GALNTL6: variants seen among roughly 807,000 people sequenced by gnomAD.
GALNTL6 encodes polypeptide N-acetylgalactosaminyltransferase like 6, also known as polypeptide N-acetylgalactosaminyltransferase-like 6.
A neutral mutation model predicts 73.7 loss-of-function variants in GALNTL6; 46 were observed. The observed-to-expected ratio is 0.62, with a 90% CI of 0.49 to 0.80. GALNTL6 has a LOEUF of 0.80. Among genes scored for constraint, GALNTL6 ranks in the 30% least tolerant of loss-of-function variants. The pLI is 0.00. For missense variants in GALNTL6, 604 were observed against 755.0 expected (o/e 0.80, Z 2.34); for synonymous variants, 259 against 263.7 (o/e 0.98, Z 0.17).
intron 10 of GALNTL6, among the ~76,000 whole-genome samples, chr4:172,988,627 T>C (rs902673533): frequency 6.6e-5 from 10 of 152,368 alleles, no homozygotes; most frequent in Admixed American, 5.2e-4. Flanking sequence ...GAGACCTTCA[T>C]GGCAGCCTCT....
intron 5 of GALNTL6, among the ~76,000 whole-genome samples, chr4:172,354,596 A>C (rs538797999): frequency 1.6e-4 from 25 of 152,164 alleles, no homozygotes; most frequent in African/African-American, 5.8e-4. Context: ...TGTCAGGAAA[A>C]TTATCCTACA....
At chr4:172,702,791 G>C (rs975546270) in intron 5 of GALNTL6, among the ~76,000 whole-genome samples, 8 of 151,656 alleles carry the variant, frequency 5.3e-5, no homozygotes, top group African/African-American at 1.9e-4. Context: ...ATAGCAGCAG[G>C]AATGAACTAA....
Position 172,443,121 on chromosome 4 carries a change from CATATATATATATAT to C in GALNTL6, c.553+94461_553+94474del, listed in dbSNP as rs4048464. ...GAAATCACCAGTAATGATCCATATA[CATATATATATATAT>C]ATATATATATATATATATATATATA... On this transcript the variant is annotated intron_variant, in intron 5 of 12. Coordinates refer to ENST00000506823, the MANE Select transcript of GALNTL6 (RefSeq NM_001034845.3). Among the ~76,000 whole-genome samples the C allele has an allele frequency of 2.0e-3, 106 of 52,012 alleles. No individual in the cohort carries two copies. The East Asian group carries it at 0.022, about 11-fold the overall frequency. The allele number at this position is 52,012 out of a possible 152,430, so 34.1% of individuals were successfully genotyped here. A position where few individuals can be genotyped will look rare whatever the true frequency, so the allele number is the denominator to read the frequency against.
intron 2 of GALNTL6, among the ~76,000 whole-genome samples, chr4:171,957,084 C>A (rs11935809): frequency 1.8e-4 from 28 of 152,250 alleles, no homozygotes; most frequent in Admixed American, 1.7e-3. Context: ...TGTAGTGTAC[C>A]TAAATCCTGC....
intron 8 of GALNTL6, among the ~76,000 whole-genome samples, chr4:172,895,727 G>A (rs1387929661): frequency 6.6e-6 from 1 of 152,064 alleles, no homozygotes; most frequent in African/African-American, 2.4e-5. Flanking sequence ...GTCCATGTCA[G>A]TTCCCTCTTT....
intron 5 of GALNTL6, among the ~76,000 whole-genome samples, chr4:172,390,332 ACC>A (rs771652919): frequency 0.011 from 1,727 of 152,342 alleles, 11 homozygotes; most frequent in Middle Eastern, 0.024. Flanking sequence ...CAGAACAAAA[ACC>A]ATGTTACAGT....
chr4:172,331,629 G>GTA lies in GALNTL6; in HGVS notation c.387-16892_387-16891dup, dbSNP rs1428186677. 4.6e-5 allele frequency among the ~76,000 whole-genome samples: 7 copies of GTA among 152,228 alleles called. No homozygotes were observed. The South Asian group carries it at 1.5e-3, about 32-fold the overall frequency. On this transcript the variant is annotated intron_variant, in intron 4 of 12. Transcript: ENST00000506823. ...TACCTCATTTAAGATAAATCATGCA[G>GTA]TATTTATTTTTCTGAGACTGGCTTA...
At chr4:171,965,817 T>A (rs1284790885) in intron 2 of GALNTL6, among the ~76,000 whole-genome samples, 1 of 152,156 alleles carries the variant, frequency 6.6e-6, no homozygotes, top group Non-Finnish European at 1.5e-5. Context: ...CAGGAATAAG[T>A]TCAGAGAAAA....
At chr4:172,211,348 C>T (rs147358609) in intron 2 of GALNTL6, among the ~76,000 whole-genome samples, 56 of 152,242 alleles carry the variant, frequency 3.7e-4, no homozygotes, top group African/African-American at 9.6e-4. Context: ...TGTATTTACA[C>T]GTATGTCTAA....
intron 5 of GALNTL6, among the ~76,000 whole-genome samples, chr4:172,679,284 G>A (rs1318191923): frequency 3.3e-5 from 5 of 152,016 alleles, no homozygotes; most frequent in South Asian, 4.2e-4. Context: ...GGTGGCAGGC[G>A]CCTGTAATCG....
At chr4:172,781,308 G>A (rs1024665311) in intron 5 of GALNTL6, among the ~76,000 whole-genome samples, 1 of 152,050 alleles carries the variant, frequency 6.6e-6, no homozygotes, top group Non-Finnish European at 1.5e-5. Flanking sequence ...TAAAACTTTC[G>A]AAGGAGTAAA....
chr4:172,720,485 C>T (rs1232647279), intron 5 of GALNTL6, among the ~76,000 whole-genome samples: 1 of 152,168 alleles, frequency 6.6e-6, no homozygotes, highest in Non-Finnish European at 1.5e-5. Flanking sequence ...TCCCCCCTCC[C>T]ACCTGGTTGT....
intron 5 of GALNTL6, among the ~76,000 whole-genome samples, chr4:172,693,960 A>G (rs1270619409): frequency 2.0e-5 from 3 of 152,154 alleles, no homozygotes; most frequent in Non-Finnish European, 4.4e-5. Flanking sequence ...GATGCCTCAT[A>G]TGAATTCCAC....
At chr4:172,721,719 C>T (rs1735484288) in intron 5 of GALNTL6, among the ~76,000 whole-genome samples, 1 of 152,126 alleles carries the variant, frequency 6.6e-6, no homozygotes, top group Admixed American at 6.5e-5. Flanking sequence ...TGTGAGTAGA[C>T]AAACACATTA....
At chr4:172,836,019 C>T (rs931395357) in intron 7 of GALNTL6, among the ~76,000 whole-genome samples, 2 of 152,166 alleles carry the variant, frequency 1.3e-5, no homozygotes, top group Admixed American at 6.5e-5. Context: ...CTCGGGGCCA[C>T]TGTTTCCTCA....
At chr4:172,788,353 G>C (rs964864123) in intron 5 of GALNTL6, among the ~76,000 whole-genome samples, 2 of 151,890 alleles carry the variant, frequency 1.3e-5, no homozygotes, top group Admixed American at 1.3e-4. Flanking sequence ...GCCTAAGCTA[G>C]AGCAAGACCC....
At chr4:172,542,785 C>T (rs1735610685) in intron 5 of GALNTL6, among the ~76,000 whole-genome samples, 2 of 152,082 alleles carry the variant, frequency 1.3e-5, no homozygotes, top group South Asian at 4.1e-4. Context: ...AACTTTTCCA[C>T]AAAGGTAGAA....
chr4:172,177,899 A>G (rs1312814519), intron 2 of GALNTL6, among the ~76,000 whole-genome samples: 1 of 110,560 alleles, frequency 9.0e-6, no homozygotes, highest in African/African-American at 3.0e-5. Context: ...TGTTACTTCT[A>G]TGATATGACT....
At chr4:172,276,339 A>T (rs1304281278) in intron 3 of GALNTL6, among the ~76,000 whole-genome samples, 1 of 152,238 alleles carries the variant, frequency 6.6e-6, no homozygotes, top group Non-Finnish European at 1.5e-5. Flanking sequence ...TAAGACACTG[A>T]ATAATCCCAG....
Sources: gnomAD v4.1 joint callset for allele counts (sites outside exome capture counted in the v4.1 genomes callset) on GRCh38, gnomAD v4.1.1 for gene constraint, MANE v1.5 for transcripts, NCBI Gene and HGNC (gene_info 2026-07-23, HGNC 2026-07-21) for gene names.